The following PREX1 variants were observed in gnomAD, a reference collection of about 807,000 sequenced individuals.
The protein encoded by PREX1 is phosphatidylinositol-3,4,5-trisphosphate dependent Rac exchange factor 1.
PREX1 carries 41 observed loss-of-function variants against 198.3 expected under a neutral mutation model. The observed-to-expected ratio is 0.21, with a 90% CI of 0.16 to 0.27. The LOEUF (loss-of-function observed/expected upper bound fraction) is 0.27, where lower values mean the gene tolerates loss of function less well. Ranked by LOEUF, PREX1 falls within the 10% of genes least tolerant of loss-of-function variation. The pLI, the probability that PREX1 is intolerant of heterozygous loss-of-function variation, is 1.00. For missense variants in PREX1, 1,620 were observed against 2,200.7 expected, an observed-to-expected ratio of 0.74 and a Z score of 5.28; for synonymous variants, 843 against 887.2, an observed-to-expected ratio of 0.95 and a Z score of 0.89.
Position 48,741,840 on chromosome 20 carries a change from C to T in PREX1, c.414+3185G>A, listed in dbSNP as rs543438665. On this transcript the variant is annotated intron_variant, in intron 3 of 39. Coordinates refer to ENST00000371941, the MANE Select transcript of PREX1 (RefSeq NM_020820.4). ...GAGGGAACTGGTCCAGCAGAGGAAGCGGCCTGGGGTGAGAATGGGCTTGCC... is the reference window on the plus strand; with the variant it reads ...GAGGGAACTGGTCCAGCAGAGGAAGTGGCCTGGGGTGAGAATGGGCTTGCC... Among the ~76,000 whole-genome samples the T allele has an allele frequency of 5.3e-4, 80 of 152,248 alleles. 1 individual carries two copies. Among genetic ancestry groups the T allele is most frequent in the African/African-American group, 1.9e-3 (78 of 41,552 alleles).
chr20:48,676,297 A>T (rs1568818605), intron 13 of PREX1, 29 bp from the exon 14 acceptor site: 1 of 1,604,928 alleles, frequency 6.2e-7, no homozygotes, highest in Non-Finnish European at 8.5e-7. Flanking sequence ...CACAGTGAGC[A>T]GGGCAGGGCG....
chr20:48,681,456 AAGCCG>A, intron 10 of PREX1, 121 bp from the exon 11 acceptor site: 1 of 921,318 alleles, frequency 1.1e-6, no homozygotes, highest in Non-Finnish European at 1.8e-6. Context: ...TCCCACAGGG[AAGCCG>A]AGTGTAGTAG....
At chr20:48,796,396 C>T (rs117510981) in intron 1 of PREX1, among the ~76,000 whole-genome samples, 2,060 of 151,820 alleles carry the variant, frequency 0.014, 20 homozygotes, top group Middle Eastern at 0.038. Flanking sequence ...CATGGAACAA[C>T]CTCCATCATA....
At chr20:48,628,005 A>C in intron 37 of PREX1, 42 bp from the exon 38 acceptor site, 1 of 1,144,738 alleles carries the variant, frequency 8.7e-7, no homozygotes, top group Non-Finnish European at 1.3e-6. Context: ...CGGTGGGGGG[A>C]CAGGGGTCGG....
the PREX1 span, among the ~76,000 whole-genome samples, chr20:48,857,131 G>A: frequency 5.3e-5 from 8 of 152,312 alleles, no homozygotes; most frequent in African/African-American, 1.9e-4. Context: ...GAGGCACGGT[G>A]CCCAGCCTAC....
chr20:48,657,299 AG>A, intron 17 of PREX1, 111 bp from the exon 18 acceptor site: 2 of 1,330,256 alleles, frequency 1.5e-6, no homozygotes, highest in Non-Finnish European at 2.1e-6. Flanking sequence ...CAAGGGATCC[AG>A]CAGGACTGGG....
chr20:48,650,228 G>T, intron 23 of PREX1, 22 bp from the exon 24 acceptor site: 1 of 1,588,380 alleles, frequency 6.3e-7, no homozygotes, highest in Non-Finnish European at 8.6e-7. Flanking sequence ...GAGGCCGTAA[G>T]GTCGTGAATC....
chr20:48,829,717 TTCC>T (rs1380158865), upstream of PREX1, among the ~76,000 whole-genome samples: 3 of 152,138 alleles, frequency 2.0e-5, no homozygotes, highest in African/African-American at 7.2e-5. Context: ...GAGCCTCCGT[TTCC>T]TCATCTTTAA....
upstream of PREX1, among the ~76,000 whole-genome samples, chr20:48,829,584 C>T (rs566914529): frequency 1.3e-5 from 2 of 152,256 alleles, no homozygotes; most frequent in African/African-American, 4.8e-5. Flanking sequence ...GAGCCTGTCA[C>T]GCTTGGGTAG....
chr20:48,737,422 G>A (rs1041720205), intron 3 of PREX1, among the ~76,000 whole-genome samples: 28 of 152,042 alleles, frequency 1.8e-4, no homozygotes, highest in Non-Finnish European at 3.4e-4. Flanking sequence ...CCATCGGGAC[G>A]GCGTTTTCAT....
chr20:48,778,036 G>A (rs1352427778), intron 1 of PREX1, among the ~76,000 whole-genome samples: 2 of 152,154 alleles, frequency 1.3e-5, no homozygotes, highest in African/African-American at 2.4e-5. Flanking sequence ...GCAAACTGGA[G>A]AGCAGACATC....
At chr20:48,653,665 T>C (rs1568804999) in intron 19 of PREX1, among the ~76,000 whole-genome samples, 168 bp from the exon 20 acceptor site, 1 of 152,156 alleles carries the variant, frequency 6.6e-6, no homozygotes, top group Non-Finnish European at 1.5e-5. Context: ...AAGAATGGAT[T>C]GATGTTCCCA....
chr20:48,829,659 C>T (rs968591907), upstream of PREX1, among the ~76,000 whole-genome samples: 1 of 152,172 alleles, frequency 6.6e-6, no homozygotes, highest in African/African-American at 2.4e-5. Context: ...ATAAAGGCCT[C>T]TGGAGTATCT....
intron 1 of PREX1, among the ~76,000 whole-genome samples, chr20:48,754,621 C>A (rs1047188921): frequency 1.4e-5 from 2 of 139,638 alleles, no homozygotes; most frequent in African/African-American, 2.6e-5. Context: ...ACACCTCTGC[C>A]GTGGCTGGGG....
At chr20:48,772,474 C>T (rs951656120) in intron 1 of PREX1, among the ~76,000 whole-genome samples, 1 of 152,166 alleles carries the variant, frequency 6.6e-6, no homozygotes, top group African/African-American at 2.4e-5. Context: ...CCAAGCAGTG[C>T]CATAGGAGGA....
chr20:48,664,191 G>A (rs888777681), intron 15 of PREX1, among the ~76,000 whole-genome samples: 2 of 151,342 alleles, frequency 1.3e-5, no homozygotes, highest in Admixed American at 6.6e-5. Context: ...TGGCTAACAC[G>A]GTGAAATGCC....
At chr20:48,672,745 C>G (rs2089684351) in intron 14 of PREX1, among the ~76,000 whole-genome samples, 1 of 152,244 alleles carries the variant, frequency 6.6e-6, no homozygotes. Flanking sequence ...CTCAAATGTC[C>G]CTCCTCAGTA....
chr20:48,682,680 C>G (rs139392980), intron 10 of PREX1, among the ~76,000 whole-genome samples: 2,401 of 152,256 alleles, frequency 0.016, 69 homozygotes, highest in African/African-American at 0.055. Flanking sequence ...CGTGACTGCC[C>G]GGTGGTGAGA....
Position 48,794,826 on chromosome 20 carries a change from ACAG to A in PREX1, c.219+32813_219+32815del, listed in dbSNP as rs1213498223. Among the ~76,000 whole-genome samples, 14 of 152,332 alleles carry A rather than the reference ACAG, an allele frequency of 9.2e-5. No individual in the cohort carries two copies. In the East Asian group the frequency reaches 2.7e-3, roughly 29 times the overall value. On this transcript the variant is annotated intron_variant, in intron 1 of 39. Coordinates refer to ENST00000371941, the MANE Select transcript of PREX1 (RefSeq NM_020820.4). ...TTATTGAGTGCTTGCTGGGTACCAG[ACAG>A]CAGTCCTATGGGGAAGCTGTTTTAC... is the stretch of plus-strand genomic sequence containing the variant.
Sources: allele counts gnomAD v4.1 joint callset (sites outside exome capture counted in the v4.1 genomes callset), GRCh38; gene constraint gnomAD v4.1.1; transcripts MANE v1.5; gene names NCBI Gene and HGNC (gene_info 2026-07-23, HGNC 2026-07-21).